Variants in ATP10A observed in about 807,000 individuals in gnomAD.
ATP10A encodes phospholipid-transporting ATPase VA.
In ATP10A, 111 loss-of-function variants were observed where a neutral mutation model predicts 147.8. The observed-to-expected ratio is 0.75, with a 90% CI of 0.64 to 0.88. The LOEUF (loss-of-function observed/expected upper bound fraction) is 0.88. Among genes scored for constraint, ATP10A ranks in the 40% least tolerant of loss-of-function variants. The pLI is 0.00. For synonymous variants in ATP10A, 875 were observed against 841.6 expected, an observed-to-expected ratio of 1.04 and a Z score of -0.69; for missense variants, 1,927 against 1,959.0, an observed-to-expected ratio of 0.98 and a Z score of 0.31.
intron 1 of ATP10A, among the ~76,000 whole-genome samples, chr15:25,823,886 T>C (rs1891995907): frequency 6.6e-6 from 1 of 152,206 alleles, no homozygotes; most frequent in Non-Finnish European, 1.5e-5. Context: ...ACTATTTCTG[T>C]AAGGAGCCAG....
rs1193138358 is a variant in ATP10A at position 25,705,898 on chromosome 15, T to C, written c.2575+2078A>G. On this transcript the variant is annotated intron_variant, in intron 12 of 20. Transcript: ENST00000555815. ...GGCTCCAGTGCACGGCTGGCACCCA[T>C]GTGGGCAACCCAGGAGTTCCATCGC... is the stretch of plus-strand genomic sequence containing the variant. Among the ~76,000 whole-genome samples the C allele has an allele frequency of 2.0e-5, 3 of 152,160 alleles. No homozygotes were observed. The South Asian group carries it at 6.2e-4, about 32-fold the overall frequency.
At chr15:25,707,945 C>T (rs1358627569) in intron 12 of ATP10A, 31 bp downstream of exon 12, 3 of 1,612,128 alleles carry the variant, frequency 1.9e-6, no homozygotes, top group Non-Finnish European at 2.5e-6. Flanking sequence ...CTCCACACTG[C>T]CCTTAGGCAT....
At chr15:25,816,571 A>G (rs2140833689) in intron 1 of ATP10A, among the ~76,000 whole-genome samples, 1 of 152,318 alleles carries the variant, frequency 6.6e-6, no homozygotes, top group East Asian at 1.9e-4. Context: ...ATATTTTCAC[A>G]AGTACTGCCA....
chr15:25,763,039 T>C (rs1888845222), intron 2 of ATP10A, among the ~76,000 whole-genome samples: 1 of 152,172 alleles, frequency 6.6e-6, no homozygotes, highest in Non-Finnish European at 1.5e-5. Context: ...AGACTCTTAC[T>C]GAGCAGCTAA....
At chr15:25,778,938 G>A (rs763612460) in intron 2 of ATP10A, among the ~76,000 whole-genome samples, 1 of 152,144 alleles carries the variant, frequency 6.6e-6, no homozygotes, top group Non-Finnish European at 1.5e-5. Context: ...GTGCAGTGGT[G>A]TGATCTCGGC....
intron 2 of ATP10A, among the ~76,000 whole-genome samples, chr15:25,774,522 G>A (rs1889507272): frequency 6.6e-6 from 1 of 151,592 alleles, no homozygotes; most frequent in Non-Finnish European, 1.5e-5. Context: ...GTTGCAGTGA[G>A]CCGAGATAGT....
intron 1 of ATP10A, 65 bp from the exon 2 acceptor site, chr15:25,781,288 G>C: frequency 7.5e-7 from 1 of 1,341,138 alleles, no homozygotes; most frequent in Non-Finnish European, 1.0e-6. Flanking sequence ...CTGGGTGATG[G>C]GCACGTGGGG....
At chr15:25,831,922 T>C (rs1892373418) in intron 1 of ATP10A, among the ~76,000 whole-genome samples, 1 of 152,196 alleles carries the variant, frequency 6.6e-6, no homozygotes, top group Admixed American at 6.5e-5. Context: ...CCCCCAAAAT[T>C]CATGTCCATC....
intron 2 of ATP10A, among the ~76,000 whole-genome samples, chr15:25,761,338 T>A (rs1479431905): frequency 6.6e-6 from 1 of 152,166 alleles, no homozygotes; most frequent in African/African-American, 2.4e-5. Context: ...GACTGGGTAA[T>A]TTATAAAGGA....
intron 2 of ATP10A, among the ~76,000 whole-genome samples, chr15:25,747,961 T>A (rs1156270168): frequency 6.6e-6 from 1 of 152,030 alleles, no homozygotes; most frequent in African/African-American, 2.4e-5. Flanking sequence ...TAGGCAAAAA[T>A]TCTTTTTTTT....
At chr15:25,700,615 T>C (rs1179368135) in intron 13 of ATP10A, among the ~76,000 whole-genome samples, 1 of 152,158 alleles carries the variant, frequency 6.6e-6, no homozygotes, top group Non-Finnish European at 1.5e-5. Flanking sequence ...ACTTGACATC[T>C]GGAAAAGACA....
chr15:25,815,048 C>T (rs1037559958), intron 1 of ATP10A, among the ~76,000 whole-genome samples: 1 of 152,142 alleles, frequency 6.6e-6, no homozygotes, highest in Non-Finnish European at 1.5e-5. Flanking sequence ...AGATGCCCAA[C>T]AGAATGTCCT....
At chr15:25,776,382 T>C (rs1567375391) in intron 2 of ATP10A, among the ~76,000 whole-genome samples, 1 of 152,202 alleles carries the variant, frequency 6.6e-6, no homozygotes, top group Non-Finnish European at 1.5e-5. Flanking sequence ...ACTTTTTCTG[T>C]TTCTCATCTA....
chr15:25,762,879 A>G (rs1203283327), intron 2 of ATP10A, among the ~76,000 whole-genome samples: 1 of 152,224 alleles, frequency 6.6e-6, no homozygotes, highest in Non-Finnish European at 1.5e-5. Flanking sequence ...GCCAAATTAT[A>G]CATTTTAAAT....
chr15:25,768,202 T>A (rs1889130746), intron 2 of ATP10A, among the ~76,000 whole-genome samples: 1 of 152,188 alleles, frequency 6.6e-6, no homozygotes, highest in Admixed American at 6.5e-5. Context: ...GCAGCTGCGA[T>A]GGAGGGAGGG....
At chr15:25,845,725 C>T (rs1047892829) in intron 1 of ATP10A, among the ~76,000 whole-genome samples, 2 of 152,128 alleles carry the variant, frequency 1.3e-5, no homozygotes, top group African/African-American at 4.8e-5. Flanking sequence ...GAGAGCAGCA[C>T]AAATGCTACC....
chr15:25,841,864 G>A (rs1042810320), intron 1 of ATP10A: 2 of 152,170 alleles, frequency 1.3e-5, no homozygotes. Flanking sequence ...AGTCCATTGT[G>A]GGGATACAGA....
chr15:25,784,828 A>G (rs887979754), intron 1 of ATP10A, among the ~76,000 whole-genome samples: 4 of 151,960 alleles, frequency 2.6e-5, no homozygotes, highest in African/African-American at 4.8e-5. Context: ...AGGCTGAGGC[A>G]GGAGAATCGC....
chr15:25,738,116 T>C (rs1887389212), intron 2 of ATP10A, among the ~76,000 whole-genome samples: 1 of 145,364 alleles, frequency 6.9e-6, no homozygotes, highest in Non-Finnish European at 1.5e-5. Flanking sequence ...CCTGTTTACA[T>C]TGCTTATTTC....
Sources: gnomAD v4.1 joint callset for allele counts (sites outside exome capture counted in the v4.1 genomes callset) on GRCh38, gnomAD v4.1.1 for gene constraint, MANE v1.5 for transcripts, NCBI Gene and HGNC (gene_info 2026-07-23, HGNC 2026-07-21) for gene names.